The following STK32A variants were observed in gnomAD, a reference collection of about 807,000 sequenced individuals.
STK32A encodes serine/threonine kinase 32A.
Under a neutral mutation model 53.2 loss-of-function variants are expected in STK32A, and 41 were observed. The ratio of observed to expected loss-of-function variants is 0.77; its 90% CI spans 0.60 to 1.00. STK32A has a LOEUF of 1.00. Among genes scored for constraint, STK32A ranks in the 50% least tolerant of loss-of-function variants. The pLI is 0.00. For missense variants in STK32A, 458 were observed against 485.8 expected, an observed-to-expected ratio of 0.94 and a Z score of 0.54; for synonymous variants, 166 against 162.8, an observed-to-expected ratio of 1.02 and a Z score of -0.15.
At chr5:147,393,479 G>C in the STK32A span, 1 of 153,106 alleles carries the variant, frequency 6.5e-6, no homozygotes, top group Admixed American at 6.5e-5. Flanking sequence ...AGACCCTAGG[G>C]AGCTGTGGTG....
At position 147,384,317 on chromosome 5, in the gene STK32A, T is replaced by G; in HGVS notation, c.*334T>G. ...TGTTATTCTAAACCGCCTTTATTTT[T>G]ATTTTAAAATTAATATATGAATATA... On this transcript the variant is annotated 3_prime_UTR_variant, in exon 13 of 13. Coordinates refer to ENST00000397936, the MANE Select transcript of STK32A (RefSeq NM_001112724.2). 1 of 1,429,910 alleles carries G rather than the reference T, an allele frequency of 7.0e-7. No homozygotes were observed. 88.6% of individuals were successfully genotyped at this position (1,429,910 alleles called of 1,614,324 possible). A position where few individuals can be genotyped will look rare whatever the true frequency, so the allele number is the denominator to read the frequency against.
chr5:147,312,913 GC>G (rs1349852972), intron 4 of STK32A, among the ~76,000 whole-genome samples: 2 of 151,932 alleles, frequency 1.3e-5, no homozygotes, highest in Non-Finnish European at 2.9e-5. Context: ...ACATTAGACT[GC>G]CCAGAATACA....
chr5:147,361,635 C>T, intron 8 of STK32A, 21 bp downstream of exon 8: 2 of 1,526,968 alleles, frequency 1.3e-6, no homozygotes, highest in Non-Finnish European at 1.8e-6. Context: ...AGCATTTCCT[C>T]TTTGGTTATT....
At chr5:147,296,504 A>G (rs74991998) in intron 4 of STK32A, among the ~76,000 whole-genome samples, 7,893 of 152,154 alleles carry the variant, frequency 0.052, 270 homozygotes, top group South Asian at 0.092. Context: ...AGTTATGTGC[A>G]TGCTTACTTG....
intron 5 of STK32A, among the ~76,000 whole-genome samples, chr5:147,332,845 C>G (rs909192758): frequency 1.3e-5 from 2 of 152,188 alleles, no homozygotes; most frequent in Non-Finnish European, 2.9e-5. Context: ...AATCTGCCTT[C>G]TTTGTGTTGT....
At chr5:147,367,329 G>C (rs1043994538) in intron 8 of STK32A, among the ~76,000 whole-genome samples, 13 of 152,188 alleles carry the variant, frequency 8.5e-5, no homozygotes. Context: ...GCCCTGCAAA[G>C]TGGTGGGATT....
At chr5:147,278,495 A>T (rs563725809) in intron 3 of STK32A, among the ~76,000 whole-genome samples, 1 of 152,316 alleles carries the variant, frequency 6.6e-6, no homozygotes, top group African/African-American at 2.4e-5. Flanking sequence ...AGATTCTACC[A>T]GCTGTATGCC....
chr5:147,285,841 G>T (rs1031129890), intron 4 of STK32A, among the ~76,000 whole-genome samples: 2 of 152,148 alleles, frequency 1.3e-5, no homozygotes, highest in African/African-American at 2.4e-5. Context: ...TACACTGCTG[G>T]TGGGAATGTA....
At chr5:147,257,531 A>C (rs1754287995) in intron 2 of STK32A, among the ~76,000 whole-genome samples, 1 of 152,084 alleles carries the variant, frequency 6.6e-6, no homozygotes, top group Admixed American at 6.5e-5. Context: ...GAATAGATAA[A>C]AGAGAGTTAA....
Position 147,387,592 on chromosome 5 carries a change from GT to G in STK32A, c.*3612del, listed in dbSNP as rs1333234104. 1.3e-5 allele frequency: 2 copies of G among 152,200 alleles called. No individual in the cohort carries two copies. The highest frequency in any genetic ancestry group is 4.8e-5 in the African/African-American group (2 of 41,448). 9.4% of individuals were successfully genotyped at this position (152,200 alleles called of 1,614,324 possible). On this transcript the variant is annotated 3_prime_UTR_variant, in exon 13 of 13. Coordinates refer to ENST00000397936, the MANE Select transcript of STK32A (RefSeq NM_001112724.2). Reference sequence around the variant, plus strand: ...AAGGCACAAAAAGCACTTCAAGCTTGTTTCTGTACCCAGTTGTCCCTGTATT... The same window carrying G: ...AAGGCACAAAAAGCACTTCAAGCTTGTTCTGTACCCAGTTGTCCCTGTATT...
chr5:147,273,576 A>G (rs984369607), intron 2 of STK32A, among the ~76,000 whole-genome samples: 2 of 152,220 alleles, frequency 1.3e-5, no homozygotes, highest in African/African-American at 2.4e-5. Flanking sequence ...CCATGTGACT[A>G]TAATGAATAT....
chr5:147,257,744 C>T (rs1195664398), intron 2 of STK32A, among the ~76,000 whole-genome samples: 3 of 152,044 alleles, frequency 2.0e-5, no homozygotes, highest in African/African-American at 4.8e-5. Context: ...TTGATAAGAA[C>T]GTGATCTTCA....
intron 2 of STK32A, among the ~76,000 whole-genome samples, chr5:147,259,762 T>C (rs373822347): frequency 6.6e-6 from 1 of 152,006 alleles, no homozygotes; most frequent in Admixed American, 6.5e-5. Context: ...TCTCTTTCTC[T>C]CTCTCTGCCT....
In STK32A at chr5:147,385,981, C is replaced by G. The variant is rs1757631330; in HGVS notation, c.*1998C>G. ...CATAAAGAGGTTACACTGGGGCAAC[C>G]AAGTATGTGTAGAAAGCCAGAGCTA... On this transcript the variant is annotated 3_prime_UTR_variant, in exon 13 of 13. Coordinates refer to ENST00000397936, the MANE Select transcript of STK32A (RefSeq NM_001112724.2). 6.6e-6 allele frequency: 1 copy of G among 152,158 alleles called. No individual in the cohort carries two copies. Among genetic ancestry groups the G allele is most frequent in the Non-Finnish European group, 1.5e-5 (1 of 68,024 alleles). The allele number at this position is 152,158 out of a possible 1,614,324, so 9.4% of individuals were successfully genotyped here.
At position 147,384,393 on chromosome 5, in the gene STK32A, A is replaced by C. The variant is rs1488947628; in HGVS notation, c.*410A>C. 1 of 1,534,228 alleles carries C rather than the reference A, an allele frequency of 6.5e-7. No homozygotes were observed. Among genetic ancestry groups the C allele is most frequent in the East Asian group, 2.4e-5 (1 of 40,878 alleles). ...TATGCAGTGACAAATGGACAAATGG[A>C]CACAGGACTCAGTGAGACTTTTCAG... On this transcript the variant is annotated 3_prime_UTR_variant, in exon 13 of 13. Transcript: ENST00000397936.
At chr5:147,243,866 T>G (rs950835375) in intron 2 of STK32A, among the ~76,000 whole-genome samples, 5 of 152,232 alleles carry the variant, frequency 3.3e-5, no homozygotes, top group Non-Finnish European at 7.3e-5. Flanking sequence ...ATTACTTTTT[T>G]TTTATTATTG....
At position 147,375,582 on chromosome 5, in the gene STK32A, A is replaced by G. The variant is rs1029569123; in HGVS notation, c.1032+364A>G. On this transcript the variant is annotated intron_variant, in intron 11 of 12. Coordinates refer to ENST00000397936, the MANE Select transcript of STK32A (RefSeq NM_001112724.2). The stretch of plus-strand genomic sequence containing the variant: ...AAGGGGCAGGTTTCAAAGTACACAC[A>G]TGGTTGTTTTGGACCTCACTCCTGC... The G allele has an allele frequency of 3.4e-5, 6 of 175,316 alleles. No individual in the cohort carries two copies. The South Asian group carries it at 4.4e-4, about 13-fold the overall frequency. The allele number at this position is 175,316 out of a possible 1,614,324, so 10.9% of individuals were successfully genotyped here. A position where few individuals can be genotyped will look rare whatever the true frequency, so the allele number is the denominator to read the frequency against.
chr5:147,235,154 ATCGCTCCGAGCC>A lies in STK32A; in HGVS notation c.-139_-128del, dbSNP rs1200782742. 9 of 152,450 alleles carry A rather than the reference ATCGCTCCGAGCC, an allele frequency of 5.9e-5. No homozygotes were observed. The highest frequency in any genetic ancestry group is 2.2e-4 in the African/African-American group (9 of 41,482). The allele number at this position is 152,450 out of a possible 1,614,324, so 9.4% of individuals were successfully genotyped here. A position where few individuals can be genotyped will look rare whatever the true frequency, so the allele number is the denominator to read the frequency against. Reference sequence around the variant, plus strand: ...TAGTCCCTGTTCCCTGGATGAAAGCATCGCTCCGAGCCTCATGGGAGGAATGAAGGAAGAATC... The same window carrying A: ...TAGTCCCTGTTCCCTGGATGAAAGCATCATGGGAGGAATGAAGGAAGAATC... On this transcript the variant is annotated 5_prime_UTR_variant, in exon 1 of 13. Transcript: ENST00000397936.
the STK32A span, among the ~76,000 whole-genome samples, chr5:147,396,710 A>T: frequency 0.02 from 3,111 of 152,258 alleles, 98 homozygotes; most frequent in African/African-American, 0.071. Flanking sequence ...TCAGAATCTA[A>T]ATCACACTCA....
Sources: allele counts gnomAD v4.1 joint callset (sites outside exome capture counted in the v4.1 genomes callset), GRCh38; gene constraint gnomAD v4.1.1; transcripts MANE v1.5; gene names NCBI Gene and HGNC (gene_info 2026-07-23, HGNC 2026-07-21).